Variants in PRKN observed in about 807,000 individuals in gnomAD.
PRKN encodes the protein E3 ubiquitin-protein ligase parkin.
In PRKN, 56 loss-of-function variants were observed where a neutral mutation model predicts 59.5. The observed-to-expected ratio is 0.94, with a 90% CI of 0.76 to 1.18. The LOEUF is 1.18. PRKN is among the 50% of genes most tolerant of loss of function. The probability of loss-of-function intolerance (pLI) is 0.00; values close to 1 mark genes in which losing one functional copy is unlikely to be tolerated. For missense variants in PRKN, 657 were observed against 596.4 expected (o/e 1.10, Z -1.06); for synonymous variants, 250 against 222.1 (o/e 1.13, Z -1.12).
chr6:161,661,689 A>G (rs768246149), intron 7 of PRKN, among the ~76,000 whole-genome samples: 1 of 152,158 alleles, frequency 6.6e-6, no homozygotes, highest in Non-Finnish European at 1.5e-5. Flanking sequence ...CATCATCAAC[A>G]TCTAGAACAG....
At chr6:161,891,992 C>T (rs536832293) in intron 6 of PRKN, among the ~76,000 whole-genome samples, 2 of 152,282 alleles carry the variant, frequency 1.3e-5, no homozygotes, top group South Asian at 2.1e-4. Flanking sequence ...ATTCCCAATA[C>T]ATTTCCTTTG....
At chr6:162,126,913 T>C (rs1328183748) in intron 4 of PRKN, among the ~76,000 whole-genome samples, 3 of 152,234 alleles carry the variant, frequency 2.0e-5, no homozygotes, top group African/African-American at 7.2e-5. Context: ...GTTCTCTCAC[T>C]GAACTGCACT....
intron 4 of PRKN, among the ~76,000 whole-genome samples, chr6:162,186,108 G>A (rs1020985867): frequency 6.6e-6 from 1 of 151,886 alleles, no homozygotes; most frequent in African/African-American, 2.4e-5. Flanking sequence ...CAATTCACAT[G>A]GTTATTAAAT....
rs140686920 is a variant in PRKN at position 161,448,018 on chromosome 6, G to A, written c.1084-61141C>T. ...TCATTCAAACCAGACTGAATGATGT[G>A]GGAGGTAGGGACCTTGGTCATTGTT... On this transcript the variant is annotated intron_variant, in intron 9 of 11. Coordinates refer to ENST00000366898, the MANE Select transcript of PRKN (RefSeq NM_004562.3). This position sits in a 1 kb window ranked among gnomAD's most constrained non-coding sequence, Gnocchi z 5.1. Among the ~76,000 whole-genome samples, 445 of 152,232 alleles carry A rather than the reference G, an allele frequency of 2.9e-3. No homozygotes were observed. The highest frequency in any genetic ancestry group is 0.01 in the African/African-American group (419 of 41,520).
At chr6:161,874,740 T>G (rs1794612951) in intron 6 of PRKN, among the ~76,000 whole-genome samples, 1 of 117,042 alleles carries the variant, frequency 8.5e-6, no homozygotes, top group Admixed American at 9.5e-5. Context: ...ATGTACTATA[T>G]ATAAAATATA....
In PRKN at chr6:161,518,048, G is replaced by A. The variant is rs1490481705; in HGVS notation, c.1083+30806C>T. Reference sequence around the variant, plus strand: ...GAAGTTGGCTGCACAGTGGCTTCAAGCTGGAGGGAGATTTGGCTTCTATGA... The same window carrying A: ...GAAGTTGGCTGCACAGTGGCTTCAAACTGGAGGGAGATTTGGCTTCTATGA... On this transcript the variant is annotated intron_variant, in intron 9 of 11. Transcript: ENST00000366898. The surrounding 1 kb of genome is among the most constrained non-coding windows in gnomAD (Gnocchi z 5.0). Among the ~76,000 whole-genome samples, 1 of 152,210 alleles carries A rather than the reference G, an allele frequency of 6.6e-6. No individual in the cohort carries two copies. The highest frequency in any genetic ancestry group is 2.4e-5 in the African/African-American group (1 of 41,452).
rs896703269 is a variant in PRKN, at chr6:161,850,952, C to G, written c.735-65044G>C. 1.3e-5 allele frequency among the ~76,000 whole-genome samples: 2 copies of G among 152,194 alleles called. 1 individual carries two copies. The highest frequency in any genetic ancestry group is 3.8e-4 in the East Asian group (2 of 5,198). On this transcript the variant is annotated intron_variant, in intron 6 of 11. Coordinates refer to ENST00000366898, the MANE Select transcript of PRKN (RefSeq NM_004562.3). ...GATGTTAAAGGTAACTGAGTTTATGCCTTGGATTGTCTGTGAAATCGTAGG... is the reference window on the plus strand; with the variant it reads ...GATGTTAAAGGTAACTGAGTTTATGGCTTGGATTGTCTGTGAAATCGTAGG...
At chr6:161,979,203 A>C (rs970241338) in intron 5 of PRKN, among the ~76,000 whole-genome samples, 7 of 152,108 alleles carry the variant, frequency 4.6e-5, no homozygotes, top group Admixed American at 1.3e-4. Context: ...TTTATACTTG[A>C]AAAAAATAAG....
At position 162,011,365 on chromosome 6, in the gene PRKN, TATATA is replaced by T. The variant is rs1381926192; in HGVS notation, c.619-37953_619-37949del. On this transcript the variant is annotated intron_variant, in intron 5 of 11. Transcript: ENST00000366898. ...TATATTATAATATATATTTATAATA[TATATA>T]ATATATTATATATTTATAATATATA... Among the ~76,000 whole-genome samples, 134 of 33,974 alleles carry T rather than the reference TATATA, an allele frequency of 3.9e-3. 17 individuals carry two copies. The highest frequency in any genetic ancestry group is 8.7e-3 in the South Asian group (11 of 1,268). The allele number at this position is 33,974 out of a possible 152,430, so 22.3% of individuals were successfully genotyped here.
Position 161,417,975 on chromosome 6 carries a change from T to A in PRKN, c.1084-31098A>T, listed in dbSNP as rs1787928292. Among the ~76,000 whole-genome samples, 1 of 152,184 alleles carries A rather than the reference T, an allele frequency of 6.6e-6. No homozygotes were observed. The highest frequency in any genetic ancestry group is 1.5e-5 in the Non-Finnish European group (1 of 68,024). ...CAGGCTGGCTTCCCACGCTCCCTCC[T>A]GGGCCTGGCCCCCAGGCCTGGCTGA... On this transcript the variant is annotated intron_variant, in intron 9 of 11. Coordinates refer to ENST00000366898, the MANE Select transcript of PRKN (RefSeq NM_004562.3). The surrounding 1 kb of genome is among the most constrained non-coding windows in gnomAD (Gnocchi z 5.4).
intron 1 of PRKN, among the ~76,000 whole-genome samples, chr6:162,528,276 T>A (rs1445258854): frequency 6.6e-6 from 1 of 151,076 alleles, no homozygotes; most frequent in Non-Finnish European, 1.5e-5. Flanking sequence ...GAGCCGAGAT[T>A]GTACCTCTGC....
At chr6:162,103,210 A>G in intron 4 of PRKN, among the ~76,000 whole-genome samples, 1 of 152,088 alleles carries the variant, frequency 6.6e-6, no homozygotes, top group Non-Finnish European at 1.5e-5. Context: ...AAAGAAAAAG[A>G]AAAAAAGCTG....
At chr6:162,581,696 G>A (rs35518396) in intron 1 of PRKN, among the ~76,000 whole-genome samples, 15,587 of 152,154 alleles carry the variant, frequency 0.1, 944 homozygotes, top group Middle Eastern at 0.19. Context: ...GAGGCAGAGG[G>A]TGCAGTGAGC....
chr6:161,891,657 A>T (rs1795348433), intron 6 of PRKN, among the ~76,000 whole-genome samples: 1 of 152,208 alleles, frequency 6.6e-6, no homozygotes, highest in East Asian at 1.9e-4. Flanking sequence ...AATTGTGGCC[A>T]GACTACAGGG....
chr6:162,331,956 A>G (rs1033280714), intron 2 of PRKN, among the ~76,000 whole-genome samples: 1 of 152,176 alleles, frequency 6.6e-6, no homozygotes, highest in Non-Finnish European at 1.5e-5. Flanking sequence ...ATGTATTCAG[A>G]TATTTGTTCA....
At chr6:161,939,747 G>C (rs1197437355) in intron 6 of PRKN, among the ~76,000 whole-genome samples, 1 of 151,326 alleles carries the variant, frequency 6.6e-6, no homozygotes, top group Non-Finnish European at 1.5e-5. Flanking sequence ...AAAAATAAAA[G>C]AAAAAAAGGC....
chr6:161,541,941 G>A (rs185641786), intron 9 of PRKN, among the ~76,000 whole-genome samples: 111 of 152,200 alleles, frequency 7.3e-4, no homozygotes, highest in African/African-American at 2.6e-3. Flanking sequence ...ACTTTTCTAT[G>A]TGCAGCTGAC....
At chr6:161,389,371 C>G (rs535761754) in intron 9 of PRKN, among the ~76,000 whole-genome samples, 3 of 152,216 alleles carry the variant, frequency 2.0e-5, no homozygotes, top group Non-Finnish European at 4.4e-5. Flanking sequence ...AATTGATCTT[C>G]AAGCCATCAC....
chr6:161,780,571 T>G (rs1790160624), intron 7 of PRKN, among the ~76,000 whole-genome samples: 1 of 152,170 alleles, frequency 6.6e-6, no homozygotes, highest in African/African-American at 2.4e-5. Context: ...CTCATTTTAA[T>G]TAAATTAACC....
Sources: allele counts gnomAD v4.1 joint callset (sites outside exome capture counted in the v4.1 genomes callset), GRCh38; gene constraint gnomAD v4.1.1; non-coding constraint Gnocchi (gnomAD v3.1); transcripts MANE v1.5; gene names NCBI Gene and HGNC (gene_info 2026-07-23, HGNC 2026-07-21).